Variants in SLC39A10 observed in about 807,000 individuals in gnomAD.
The protein encoded by SLC39A10 is zinc transporter ZIP10.
SLC39A10 carries 13 observed loss-of-function variants against 65.1 expected under a neutral mutation model. The observed-to-expected ratio is 0.20, with a 90% CI of 0.13 to 0.32. SLC39A10 has a LOEUF of 0.32. SLC39A10 is among the 10% of genes least tolerant of loss of function. The pLI, the probability that SLC39A10 is intolerant of heterozygous loss-of-function variation, is 1.00. For missense variants in SLC39A10, 831 were observed against 1,018.4 expected (o/e 0.82, Z 2.50); for synonymous variants, 321 against 342.2 (o/e 0.94, Z 0.68).
intron 3 of SLC39A10, among the ~76,000 whole-genome samples, chr2:195,690,266 A>G (rs141029786): frequency 6.8e-6 from 1 of 147,698 alleles, no homozygotes; most frequent in African/African-American, 2.5e-5. Context: ...CATTTTGCTT[A>G]TGCATTTATC....
At chr2:195,698,068 C>T (rs984588221) in intron 3 of SLC39A10, among the ~76,000 whole-genome samples, 1 of 151,204 alleles carries the variant, frequency 6.6e-6, no homozygotes, top group Non-Finnish European at 1.5e-5. Context: ...CTTTGTATCC[C>T]GCTATTTTGC....
intron 5 of SLC39A10, 69 bp from the exon 6 acceptor site, chr2:195,713,364 C>G: frequency 7.8e-7 from 1 of 1,284,418 alleles, no homozygotes; most frequent in Non-Finnish European, 1.0e-6. Context: ...GTTAATGAGT[C>G]AATATTGTTG....
intron 2 of SLC39A10, among the ~76,000 whole-genome samples, chr2:195,638,414 A>G (rs1688734530): frequency 6.6e-6 from 1 of 152,136 alleles, no homozygotes; most frequent in African/African-American, 2.4e-5. Flanking sequence ...ATCTGGGCTC[A>G]CTGCAGCCTC....
At chr2:195,663,710 AAG>A (rs1270650168) in intron 1 of SLC39A10, among the ~76,000 whole-genome samples, 2 of 107,358 alleles carry the variant, frequency 1.9e-5, no homozygotes, top group African/African-American at 5.8e-5. Flanking sequence ...ATGAAAAAAA[AAG>A]AAATAAGAGA....
chr2:195,680,668 C>A lies in SLC39A10; in HGVS notation c.626C>A (p.Pro209His). The change falls in exon 2 of 10, where the codon CCT becomes CAT. Residue 209 changes from proline to histidine, a missense_variant. Physicochemically the swap from Pro to His is moderately conservative, Grantham distance 77. This residue lies in a region of SLC39A10 where 446 missense variants were observed against 499.2 expected (regional missense o/e 0.89). Transcript: ENST00000359634. ...ATTACTCCCAGTGAGCGTGGGGAGC[C>A]TAGCAATGAACCTTCAACAGAGACC... is the stretch of plus-strand genomic sequence containing the variant. ...DSITPSERGE[P>H]SNEPSTETNK... is the part of the protein sequence containing the mutation. The A allele has an allele frequency of 6.2e-7, 1 of 1,613,948 alleles. No homozygotes were observed. Among genetic ancestry groups the A allele is most frequent in the Non-Finnish European group, 8.5e-7 (1 of 1,180,004 alleles).
chr2:195,614,446 A>G lies in SLC39A10; in HGVS notation c.-12+8213A>G, dbSNP rs557966703. ...TTTATGGATTCATTTCCAATATTCA[A>G]TTTCCTGTACATTTTGCTTAAGGAA... On this transcript the variant is annotated intron_variant, in intron 2 of 2. Transcript: ENST00000458054. Among the ~76,000 whole-genome samples the G allele has an allele frequency of 1.2e-4, 18 of 152,248 alleles. 1 individual carries two copies. Among genetic ancestry groups the G allele is most frequent in the Middle Eastern group, 3.4e-3 (1 of 294 alleles).
chr2:195,645,139 C>G (rs1328459846), intron 2 of SLC39A10, among the ~76,000 whole-genome samples: 1 of 151,846 alleles, frequency 6.6e-6, no homozygotes, highest in Non-Finnish European at 1.5e-5. Context: ...GAACTTCCGA[C>G]CTCAGGTGAT....
At chr2:195,623,017 A>C (rs1210501747) in intron 2 of SLC39A10, among the ~76,000 whole-genome samples, 1 of 151,028 alleles carries the variant, frequency 6.6e-6, no homozygotes, top group African/African-American at 2.4e-5. Context: ...AACATCATTC[A>C]TGTCTGGGCT....
intron 8 of SLC39A10, among the ~76,000 whole-genome samples, chr2:195,720,993 G>A (rs1211407891): frequency 6.6e-6 from 1 of 152,180 alleles, no homozygotes; most frequent in Non-Finnish European, 1.5e-5. Context: ...CCAGGCTGGA[G>A]TGCAGTGGCT....
intron 1 of SLC39A10, among the ~76,000 whole-genome samples, chr2:195,666,366 A>G (rs1343567593): frequency 6.6e-6 from 1 of 152,208 alleles, no homozygotes; most frequent in Non-Finnish European, 1.5e-5. Context: ...AGGATGTATA[A>G]CAGTGACAAG....
At chr2:195,697,393 T>A (rs1691007684) in intron 3 of SLC39A10, among the ~76,000 whole-genome samples, 1 of 152,198 alleles carries the variant, frequency 6.6e-6, no homozygotes, top group Admixed American at 6.5e-5. Flanking sequence ...TTTGTCTTCT[T>A]TAATTTCTTT....
intron 2 of SLC39A10, among the ~76,000 whole-genome samples, chr2:195,622,354 G>A (rs987966459): frequency 6.6e-6 from 1 of 152,076 alleles, no homozygotes; most frequent in Non-Finnish European, 1.5e-5. Context: ...CGACAAGAGT[G>A]AGACCCTGTC....
chr2:195,654,878 A>T (rs114776890), upstream of SLC39A10, among the ~76,000 whole-genome samples: 2,634 of 123,506 alleles, frequency 0.021, 77 homozygotes, highest in African/African-American at 0.076. Context: ...CAGTAGGAAA[A>T]GTAATATGCT....
At chr2:195,633,543 CA>C (rs1242094042) in intron 2 of SLC39A10, among the ~76,000 whole-genome samples, 12 of 152,198 alleles carry the variant, frequency 7.9e-5, no homozygotes, top group Non-Finnish European at 1.3e-4. Context: ...TCTAGTGTGA[CA>C]GCCTGCTGTA....
At chr2:195,676,307 G>T (rs1478630689) in intron 1 of SLC39A10, among the ~76,000 whole-genome samples, 17 of 150,864 alleles carry the variant, frequency 1.1e-4, no homozygotes, top group Admixed American at 1.1e-3. Context: ...CTCCTGCCTC[G>T]GCCTCCTGAG....
intron 1 of SLC39A10, among the ~76,000 whole-genome samples, chr2:195,662,760 A>G (rs956394235): frequency 1.3e-5 from 2 of 152,190 alleles, no homozygotes; most frequent in Non-Finnish European, 2.9e-5. Flanking sequence ...TTAAATTTGG[A>G]TCAGCAAACT....
upstream of SLC39A10, among the ~76,000 whole-genome samples, chr2:195,654,301 A>C (rs1376456414): frequency 6.6e-6 from 1 of 152,116 alleles, no homozygotes; most frequent in Non-Finnish European, 1.5e-5. Flanking sequence ...TATGATGACT[A>C]TTTTCTCCTC....
chr2:195,627,464 A>G (rs905229111), intron 2 of SLC39A10, among the ~76,000 whole-genome samples: 4 of 152,114 alleles, frequency 2.6e-5, no homozygotes, highest in African/African-American at 9.7e-5. Context: ...GCTTCCCACC[A>G]TTAGCAACAC....
intron 1 of SLC39A10, chr2:195,657,735 T>A: frequency 3.0e-6 from 2 of 676,496 alleles, no homozygotes; most frequent in Non-Finnish European, 3.7e-6. Context: ...GCTTTGGGGA[T>A]CTGTAGGCAG....
Sources: allele counts gnomAD v4.1 joint callset (sites outside exome capture counted in the v4.1 genomes callset), GRCh38; gene constraint gnomAD v4.1.1; regional missense constraint gnomAD v4.1.1; transcripts MANE v1.5; gene names NCBI Gene and HGNC (gene_info 2026-07-23, HGNC 2026-07-21).